EXD3: variants seen among roughly 807,000 people sequenced by gnomAD.
The protein encoded by EXD3 is exonuclease 3'-5' domain containing 3.
In EXD3, 92 loss-of-function variants were observed where a neutral mutation model predicts 98.0. The observed-to-expected ratio is 0.94, with a 90% CI of 0.79 to 1.12. The LOEUF is 1.12. Among genes scored for constraint, EXD3 ranks in the 50% most tolerant of loss-of-function variants. The pLI is 0.00. For missense variants in EXD3, 1,222 were observed against 1,191.6 expected (o/e 1.03, Z -0.38); for synonymous variants, 569 against 526.0 (o/e 1.08, Z -1.12).
chr9:137,368,082 C>T (rs1274104857), intron 5 of EXD3, 93 bp from the exon 6 acceptor site: 7 of 1,057,390 alleles, frequency 6.6e-6, no homozygotes, highest in Non-Finnish European at 9.8e-6. Flanking sequence ...GCACCAGCAC[C>T]TGGTCACTGA....
intron 8 of EXD3, among the ~76,000 whole-genome samples, chr9:137,355,297 C>A (rs568595724): frequency 6.6e-6 from 1 of 152,272 alleles, no homozygotes; most frequent in Non-Finnish European, 1.5e-5. Context: ...CAGGGTGCGG[C>A]AGCCAGTGGT....
intron 4 of EXD3, 24 bp from the exon 5 acceptor site, chr9:137,373,096 T>G (rs772900676): frequency 6.5e-7 from 1 of 1,536,982 alleles, no homozygotes. Flanking sequence ...GACCCAGACT[T>G]ACTGGACGCA....
intron 3 of EXD3, among the ~76,000 whole-genome samples, chr9:137,378,532 G>A (rs1250972507): frequency 1.3e-5 from 2 of 152,132 alleles, no homozygotes; most frequent in African/African-American, 2.4e-5. Context: ...TTAAAAACAG[G>A]GGCTCACGCA....
chr9:137,355,668 A>G (rs147197295), intron 8 of EXD3, among the ~76,000 whole-genome samples: 890 of 7,640 alleles, frequency 0.12, 4 homozygotes, highest in East Asian at 0.16. Context: ...GAGGAAGGAG[A>G]AAGGGAGGAT....
At chr9:137,335,886 C>T (rs1588287294) in intron 17 of EXD3, among the ~76,000 whole-genome samples, 1 of 152,124 alleles carries the variant, frequency 6.6e-6, no homozygotes, top group Non-Finnish European at 1.5e-5. Context: ...ATGGAACTAA[C>T]CTAAGTATCC....
intron 1 of EXD3, among the ~76,000 whole-genome samples, chr9:137,397,315 TAGG>T (rs1332115553): frequency 6.6e-6 from 1 of 152,088 alleles, no homozygotes; most frequent in Non-Finnish European, 1.5e-5. Context: ...CCACCCAGCT[TAGG>T]AGGCTTGAGA....
At chr9:137,365,824 G>A (rs558406206) in intron 7 of EXD3, 84 of 339,474 alleles carry the variant, frequency 2.5e-4, no homozygotes, top group African/African-American at 8.5e-4. Flanking sequence ...TCATATGCAC[G>A]CAGACATACA....
chr9:137,312,672 C>T (rs1187656208), intron 19 of EXD3, among the ~76,000 whole-genome samples: 2 of 152,072 alleles, frequency 1.3e-5, no homozygotes, highest in African/African-American at 2.4e-5. Flanking sequence ...GAGGCGCACT[C>T]AGGACCAAGG....
chr9:137,418,367 A>G (rs1309307687), intron 1 of EXD3, among the ~76,000 whole-genome samples: 1 of 152,180 alleles, frequency 6.6e-6, no homozygotes. Context: ...CAAACAACAA[A>G]CAAACAAACG....
rs1035113612 is a variant in EXD3 at position 137,385,984 on chromosome 9, A to C, written c.56-2607T>G. Among the ~76,000 whole-genome samples, 5 of 152,042 alleles carry C rather than the reference A, an allele frequency of 3.3e-5. No homozygotes were observed. Among genetic ancestry groups the C allele is most frequent in the Admixed American group, 3.3e-4 (5 of 15,266 alleles). On this transcript the variant is annotated intron_variant, in intron 2 of 21. Transcript: ENST00000340951. The surrounding 1 kb of genome is among the most constrained non-coding windows in gnomAD (Gnocchi z 4.4). ...TAAAATGGTAAATTTCATGTTATGT[A>C]TATTTCACATATTTTTAAAAGCAGG...
chr9:137,389,293 A>G (rs1836770782), intron 2 of EXD3, among the ~76,000 whole-genome samples: 1 of 151,382 alleles, frequency 6.6e-6, no homozygotes, highest in Non-Finnish European at 1.5e-5. Flanking sequence ...GTGTCTGGGG[A>G]GTGAGGTGAA....
intron 3 of EXD3, among the ~76,000 whole-genome samples, chr9:137,375,232 C>A (rs1020718381): frequency 2.0e-5 from 3 of 152,188 alleles, no homozygotes. Flanking sequence ...TGGTCTCGAT[C>A]TCCTGACCTC....
At chr9:137,341,896 AGG>A (rs1395911946) in intron 17 of EXD3, among the ~76,000 whole-genome samples, 2 of 35,018 alleles carry the variant, frequency 5.7e-5, no homozygotes, top group African/African-American at 8.5e-5. Flanking sequence ...GCCGTCTCCC[AGG>A]GGAGTCAGAG....
In EXD3 at chr9:137,402,260, C is replaced by T. The variant is rs571355383; in HGVS notation, c.-47-6856G>A. ...TGAACTCCTGACCTCGTGATCCGCC[C>T]GTCTCAGCCTCCCAAAGTGTGGGGA... On this transcript the variant is annotated intron_variant, in intron 1 of 21. Coordinates refer to ENST00000340951, the MANE Select transcript of EXD3 (RefSeq NM_017820.5). Among the ~76,000 whole-genome samples, 289 of 152,240 alleles carry T rather than the reference C, an allele frequency of 1.9e-3. 6 individuals carry two copies. Among genetic ancestry groups the T allele is most frequent in the Admixed American group, 0.017 (261 of 15,292 alleles).
intron 17 of EXD3, among the ~76,000 whole-genome samples, chr9:137,330,160 G>GA (rs758035287): frequency 4.0e-5 from 5 of 124,686 alleles, no homozygotes; most frequent in South Asian, 2.9e-4. Context: ...AGCTACACAG[G>GA]ACTACACCGG....
At chr9:137,328,455 T>G (rs796773234) in intron 17 of EXD3, among the ~76,000 whole-genome samples, 123 of 97,686 alleles carry the variant, frequency 1.3e-3, no homozygotes, top group South Asian at 2.7e-3. Flanking sequence ...TAAAAACAAC[T>G]AATATACACC....
intron 3 of EXD3, among the ~76,000 whole-genome samples, chr9:137,377,869 C>G (rs1312597251): frequency 7.5e-6 from 1 of 133,728 alleles, no homozygotes; most frequent in Admixed American, 8.2e-5. Flanking sequence ...TCTTGGCTCA[C>G]TGCAATCTCT....
At chr9:137,414,269 A>G (rs1402314510) in intron 1 of EXD3, among the ~76,000 whole-genome samples, 1 of 152,178 alleles carries the variant, frequency 6.6e-6, no homozygotes, top group African/African-American at 2.4e-5. Flanking sequence ...GTGTCTTCAA[A>G]ACTCATCCCT....
At chr9:137,390,119 C>CA (rs34716316) in intron 2 of EXD3, among the ~76,000 whole-genome samples, 367 of 23,368 alleles carry the variant, frequency 0.016, 91 homozygotes, top group African/African-American at 0.038. Context: ...GAGACTCTGT[C>CA]AAAAAAAAAA....
Sources: allele counts gnomAD v4.1 joint callset (sites outside exome capture counted in the v4.1 genomes callset), GRCh38; gene constraint gnomAD v4.1.1; non-coding constraint Gnocchi (gnomAD v3.1); transcripts MANE v1.5; gene names NCBI Gene and HGNC (gene_info 2026-07-23, HGNC 2026-07-21).